Variants in MSRB2 observed in about 807,000 individuals in gnomAD.
MSRB2 encodes methionine-R-sulfoxide reductase B2, mitochondrial.
Under a neutral mutation model 19.0 loss-of-function variants are expected in MSRB2, and 17 were observed. The ratio of observed to expected loss-of-function variants is 0.89; its 90% CI spans 0.61 to 1.34. The LOEUF is 1.34. Among genes scored for constraint, MSRB2 ranks in the 40% most tolerant of loss-of-function variants. The probability of loss-of-function intolerance (pLI) is 0.00; values close to 1 mark genes in which losing one functional copy is unlikely to be tolerated. For missense variants in MSRB2, 208 were observed against 237.6 expected, an observed-to-expected ratio of 0.88 and a Z score of 0.82; for synonymous variants, 107 against 99.7, an observed-to-expected ratio of 1.07 and a Z score of -0.44.
chr10:23,109,119 C>T (rs1840016562), intron 2 of MSRB2, among the ~76,000 whole-genome samples: 1 of 152,088 alleles, frequency 6.6e-6, no homozygotes, highest in South Asian at 2.1e-4. Flanking sequence ...TTCCTCTGGC[C>T]CATAGGAGGG....
chr10:23,108,778 C>G (rs11013289), intron 2 of MSRB2, among the ~76,000 whole-genome samples: 34,743 of 151,974 alleles, frequency 0.23, 4,442 homozygotes, highest in Non-Finnish European at 0.29. Flanking sequence ...ACCTGGCCAA[C>G]TTCCTCTTCT....
At chr10:23,102,086 A>T (rs538355061) in intron 1 of MSRB2, among the ~76,000 whole-genome samples, 98 of 152,284 alleles carry the variant, frequency 6.4e-4, no homozygotes, top group Non-Finnish European at 1.0e-3. Context: ...GAAAAATCTC[A>T]TAGAGATGCA....
chr10:23,110,295 G>A lies in MSRB2; in HGVS notation c.273G>A (p.Val91=). 1 of 1,613,920 alleles carries A rather than the reference G, an allele frequency of 6.2e-7. No individual in the cohort carries two copies. The highest frequency in any genetic ancestry group is 8.5e-7 in the Non-Finnish European group (1 of 1,179,878). The change falls in exon 3 of 5, where the codon GTG becomes GTA. Residue 91 remains valine (V), a synonymous_variant. Transcript: ENST00000376510. ...NNKEAGMYHC[V]CCDSPLFSSE... The stretch of plus-strand genomic sequence containing the variant: ...AGGAAGCAGGAATGTATCATTGCGT[G>A]TGCTGCGACAGTCCACTCTTCAGGT...
intron 4 of MSRB2, among the ~76,000 whole-genome samples, chr10:23,119,985 C>T (rs1840164306): frequency 6.6e-6 from 1 of 152,264 alleles, no homozygotes; most frequent in Non-Finnish European, 1.5e-5. Flanking sequence ...CTTCTCCAGC[C>T]TCTCTCTAAT....
intron 3 of MSRB2, 90 bp from the exon 4 acceptor site, chr10:23,119,214 C>T (rs773019370): frequency 1.3e-4 from 198 of 1,510,200 alleles, no homozygotes; most frequent in Middle Eastern, 5.2e-4. Context: ...GGGAACAGAT[C>T]CTGCTGCCTG....
At chr10:23,095,865 C>G (rs866691972) in intron 1 of MSRB2, 139 bp downstream of exon 1, 10 of 464,396 alleles carry the variant, frequency 2.2e-5, no homozygotes, top group Middle Eastern at 6.2e-4. Flanking sequence ...CCCTCCCCCC[C>G]CCCAGCCCGA....
chr10:23,096,995 C>T (rs1839876262), intron 1 of MSRB2, among the ~76,000 whole-genome samples: 1 of 152,126 alleles, frequency 6.6e-6, no homozygotes, highest in African/African-American at 2.4e-5. Flanking sequence ...TGGCCAGCCA[C>T]CAGTAGGTAA....
intron 3 of MSRB2, chr10:23,119,062 C>T: frequency 1.6e-6 from 1 of 626,528 alleles, no homozygotes; most frequent in East Asian, 3.3e-5. Context: ...GTTGGATATC[C>T]AGAAAGAAGT....
At chr10:23,101,983 G>C (rs1212404463) in intron 1 of MSRB2, among the ~76,000 whole-genome samples, 2 of 152,052 alleles carry the variant, frequency 1.3e-5, no homozygotes, top group African/African-American at 4.8e-5. Context: ...TACAGTTTTG[G>C]GGAGGACTGG....
In MSRB2 at chr10:23,120,758, T is replaced by C; in HGVS notation, c.445T>C (p.Cys149Arg). 2 of 1,612,454 alleles carry C rather than the reference T, an allele frequency of 1.2e-6. No homozygotes were observed. The highest frequency in any genetic ancestry group is 2.2e-5 in the South Asian group (2 of 90,916). The change falls in exon 5 of 5, where the codon TGT (cysteine) becomes CGT (arginine). Residue 149 changes from cysteine (C) to arginine (R), a missense_variant and splice_region_variant. Cys to Arg is a radical substitution (Grantham distance 180). Transcript: ENST00000376510. The stretch of plus-strand genomic sequence containing the variant: ...TGACAGAGGCTTCTGTCCTTTGCAG[T>C]GTGAAGCTCATCTAGGTCACGTGTT... ...SARTEVVCKQ[C>R]EAHLGHVFPD... is the part of the protein sequence containing the mutation.
rs1267042770 is a variant in MSRB2 at position 23,110,316 on chromosome 10, C to G, written c.294C>G (p.Phe98Leu). ...GCGTGTGCTGCGACAGTCCACTCTT[C>G]AGGTAAGATAAAGAATTGAGAGCCA... ...YHCVCCDSPL[F>L]SSEKKYCSGT... The change falls in exon 3 of 5, where the codon TTC becomes TTG. Residue 98 changes from phenylalanine (F) to leucine (L), a missense_variant and splice_region_variant. Physicochemically the swap from Phe to Leu is conservative, Grantham distance 22. Transcript: ENST00000376510. 2.5e-6 allele frequency: 4 copies of G among 1,613,146 alleles called. No homozygotes were observed. Among genetic ancestry groups the G allele is most frequent in the East Asian group, 2.2e-5 (1 of 44,872 alleles).
At chr10:23,101,624 A>C (rs1238263263) in intron 1 of MSRB2, among the ~76,000 whole-genome samples, 4 of 152,140 alleles carry the variant, frequency 2.6e-5, no homozygotes, top group African/African-American at 9.7e-5. Flanking sequence ...CATTCCTGAG[A>C]GTGGAAAAGG....
chr10:23,115,599 A>G (rs1181698321), intron 3 of MSRB2, among the ~76,000 whole-genome samples: 1 of 152,224 alleles, frequency 6.6e-6, no homozygotes, highest in African/African-American at 2.4e-5. Context: ...GAAACAAAGT[A>G]AAAATCCCTT....
At chr10:23,095,922 C>T (rs1196134606) in intron 1 of MSRB2, among the ~76,000 whole-genome samples, 196 bp downstream of exon 1, 1 of 149,310 alleles carries the variant, frequency 6.7e-6, no homozygotes. Flanking sequence ...AGGGTGGGGA[C>T]TGACCCCTGT....
intron 1 of MSRB2, among the ~76,000 whole-genome samples, chr10:23,099,477 G>A (rs2131621370): frequency 6.6e-6 from 1 of 152,298 alleles, no homozygotes. Context: ...CATTAAAAAT[G>A]TCCTTTCCAT....
intron 1 of MSRB2, among the ~76,000 whole-genome samples, chr10:23,099,634 G>A (rs181385440): frequency 4.1e-4 from 63 of 152,278 alleles, no homozygotes; most frequent in African/African-American, 1.3e-3. Context: ...AAGGAAAATC[G>A]CTTGAGTCCA....
In MSRB2 at chr10:23,113,233, C is replaced by T. The variant is rs1394484787; in HGVS notation, c.296+2915C>T. ...TAAATGCAGGGCTCACTCCTTTGAG[C>T]TCCCTGCTCCAGCTTGGCTGCTTCC... On this transcript the variant is annotated intron_variant, in intron 3 of 4. Coordinates refer to ENST00000376510, the MANE Select transcript of MSRB2 (RefSeq NM_012228.4). 7.2e-5 allele frequency among the ~76,000 whole-genome samples: 11 copies of T among 152,308 alleles called. 1 individual carries two copies. The highest frequency in any genetic ancestry group is 2.4e-4 in the African/African-American group (10 of 41,580).
At position 23,116,356 on chromosome 10, in the gene MSRB2, G is replaced by C. The variant is rs145438567; in HGVS notation, c.297-2948G>C. Among the ~76,000 whole-genome samples, 283 of 152,248 alleles carry C rather than the reference G, an allele frequency of 1.9e-3. 1 individual carries two copies. The highest frequency in any genetic ancestry group is 6.2e-3 in the African/African-American group (258 of 41,560). ...GGCACTTGGAAGGGGGAGCAGCTGG[G>C]GTAGGAGCTTTATGCTGAGAGGGTT... On this transcript the variant is annotated intron_variant, in intron 3 of 4. Coordinates refer to ENST00000376510, the MANE Select transcript of MSRB2 (RefSeq NM_012228.4).
intron 1 of MSRB2, among the ~76,000 whole-genome samples, chr10:23,097,644 A>G (rs1433339657): frequency 6.6e-6 from 1 of 152,258 alleles, no homozygotes; most frequent in East Asian, 1.9e-4. Context: ...TTCAGTTTGT[A>G]ACAATGTCTT....
Sources: gnomAD v4.1 joint callset for allele counts (sites outside exome capture counted in the v4.1 genomes callset) on GRCh38, gnomAD v4.1.1 for gene constraint, MANE v1.5 for transcripts, NCBI Gene and HGNC (gene_info 2026-07-23, HGNC 2026-07-21) for gene names.